Variants in MYLK observed in about 807,000 individuals in gnomAD.
MYLK encodes myosin light chain kinase, smooth muscle.
A neutral mutation model predicts 203.4 loss-of-function variants in MYLK; 106 were observed. That is an observed-to-expected ratio of 0.52 (90% CI 0.45 to 0.61). The LOEUF (loss-of-function observed/expected upper bound fraction) is 0.61. Among genes scored for constraint, MYLK ranks in the 20% least tolerant of loss-of-function variants. MYLK has a pLI of 0.00. For synonymous variants in MYLK, 867 were observed against 959.5 expected (o/e 0.90, Z 1.78); for missense variants, 2,072 against 2,442.3 (o/e 0.85, Z 3.20).
intron 23 of MYLK, among the ~76,000 whole-genome samples, chr3:123,661,682 G>A (rs974283874): frequency 6.6e-6 from 1 of 152,186 alleles, no homozygotes; most frequent in Non-Finnish European, 1.5e-5. Context: ...CTGAGAAATG[G>A]CTGAAACAGA....
chr3:123,638,138 C>T lies in MYLK; in HGVS notation c.4894G>A (p.Val1632Met). 6.2e-7 allele frequency: 1 copy of T among 1,614,138 alleles called. No homozygotes were observed. Among genetic ancestry groups the T allele is most frequent in the Non-Finnish European group, 8.5e-7 (1 of 1,180,028 alleles). ...FGTPEFVAPE[V>M]INYEPIGYAT... The stretch of plus-strand genomic sequence containing the variant: ...TAGCCGATGGGCTCATAGTTGATCA[C>T]TTCAGGAGCCACAAATTCTGGGGTG... The change falls in exon 29 of 34, where the codon GTG (valine) becomes ATG (methionine). Residue 1632 changes from valine (V) to methionine (M), a missense_variant. By Grantham distance (21) the Val-to-Met change is conservative (BLOSUM62 1). Coordinates refer to ENST00000360304, the MANE Select transcript of MYLK (RefSeq NM_053025.4).
At chr3:123,798,747 G>A (rs1166148363) in intron 3 of MYLK, among the ~76,000 whole-genome samples, 1 of 151,968 alleles carries the variant, frequency 6.6e-6, no homozygotes, top group Non-Finnish European at 1.5e-5. Context: ...ACTACCATGC[G>A]GACAGGACCA....
At position 123,682,299 on chromosome 3, in the gene MYLK, T is replaced by G. The variant is rs759317891; in HGVS notation, c.3577A>C (p.Ser1193Arg). ...ATCTCTGGGGCCTTGGTGTTCTCAC[T>G]GGCTGGAGCATCTGGAATGAAACAG... ...CQVTVDDAPA[S>R]ENTKAPEMKS... Residue 1193 changes from serine (S) to arginine (R), a missense_variant, in exon 20 of 34, where the codon AGT becomes CGT. Physicochemically the swap from Ser to Arg is moderately radical, Grantham distance 110. Transcript: ENST00000360304. 8.1e-6 allele frequency: 13 copies of G among 1,600,722 alleles called. No homozygotes were observed. Among genetic ancestry groups the G allele is most frequent in the Non-Finnish European group, 8.5e-7 (1 of 1,173,564 alleles).
At chr3:123,729,418 A>T (rs1042290223) in intron 11 of MYLK, among the ~76,000 whole-genome samples, 1 of 152,246 alleles carries the variant, frequency 6.6e-6, no homozygotes, top group Admixed American at 6.5e-5. Flanking sequence ...AATGACTTGT[A>T]TCCAGAATAC....
intron 31 of MYLK, chr3:123,624,308 GCAT>G (rs1472863866): frequency 1.4e-5 from 2 of 146,826 alleles, no homozygotes; most frequent in Admixed American, 1.4e-4. Flanking sequence ...CTGGGTGACA[GCAT>G]GAGACCCTGT....
chr3:123,734,635 T>C (rs2062611714), intron 9 of MYLK: 1 of 160,334 alleles, frequency 6.2e-6, no homozygotes, highest in African/African-American at 2.4e-5. Flanking sequence ...GCTTTTCCAC[T>C]ACTTTAAGAA....
chr3:123,638,341 C>T (rs1031722761), intron 28 of MYLK, 147 bp from the exon 29 acceptor site: 1 of 1,167,846 alleles, frequency 8.6e-7, no homozygotes, highest in Non-Finnish European at 1.2e-6. Flanking sequence ...AGACATCTGA[C>T]CTCCTTGTTA....
chr3:123,692,789 C>T lies in MYLK; in HGVS notation c.3511G>A (p.Val1171Ile), dbSNP rs1396734311. The T allele has an allele frequency of 6.2e-7, 1 of 1,613,970 alleles. No individual in the cohort carries two copies. The highest frequency in any genetic ancestry group is 8.5e-7 in the Non-Finnish European group (1 of 1,180,038). ...GCCTGGCCAGCGTCATTCTTGGCTA[C>T]ACACTTGTATAAGCCTCTGTCCTCA... ...LPEDRGLYKC[V>I]AKNDAGQAEC... The change falls in exon 19 of 34, where the codon GTA becomes ATA. Residue 1171 changes from valine to isoleucine, a missense_variant. Around this residue, in one of 3 missense-constraint regions of MYLK, gnomAD observed 865 missense variants for 1,016.0 expected, o/e 0.85. Transcript: ENST00000360304.
chr3:123,748,852 C>G lies in MYLK; in HGVS notation c.373+3479G>C, dbSNP rs6800997. Among the ~76,000 whole-genome samples the G allele has an allele frequency of 6.5e-3, 988 of 152,142 alleles. 11 individuals are homozygous for G. Among genetic ancestry groups the G allele is most frequent in the African/African-American group, 0.022 (896 of 41,506 alleles). ...CTGGGAGGCTGAGGTAGGCGGATCA[C>G]AAGGTCAGGAGTTCAAGACCAGCTT... On this transcript the variant is annotated intron_variant, in intron 5 of 33. Coordinates refer to ENST00000360304, the MANE Select transcript of MYLK (RefSeq NM_053025.4).
chr3:123,774,828 G>T (rs2064010049), intron 4 of MYLK, among the ~76,000 whole-genome samples: 1 of 152,074 alleles, frequency 6.6e-6, no homozygotes, highest in Admixed American at 6.5e-5. Flanking sequence ...ACATTTTATT[G>T]TATTAATATA....
At chr3:123,707,622 C>T in intron 16 of MYLK, 132 bp downstream of exon 16, 1 of 1,378,524 alleles carries the variant, frequency 7.3e-7, no homozygotes, top group Admixed American at 1.7e-5. Flanking sequence ...AGCACTGAGC[C>T]CGCACTTGCT....
At chr3:123,699,731 G>C (rs1395869016) in intron 18 of MYLK, among the ~76,000 whole-genome samples, 1 of 152,260 alleles carries the variant, frequency 6.6e-6, no homozygotes, top group Non-Finnish European at 1.5e-5. Context: ...CCATGAGAGG[G>C]CTCTGCCAGA....
At chr3:123,771,669 G>C (rs2063888156) in intron 4 of MYLK, among the ~76,000 whole-genome samples, 1 of 152,108 alleles carries the variant, frequency 6.6e-6, no homozygotes, top group African/African-American at 2.4e-5. Flanking sequence ...ATCCCAATAA[G>C]CTCATCCTAA....
intron 20 of MYLK, among the ~76,000 whole-genome samples, chr3:123,670,034 CAAAAA>C (rs57445681): frequency 2.7e-5 from 1 of 37,064 alleles, no homozygotes; most frequent in African/African-American, 9.0e-5. Context: ...GACTCCATCT[CAAAAA>C]AAAAAAAAAA....
chr3:123,639,880 G>C (rs2058771592), intron 28 of MYLK, among the ~76,000 whole-genome samples: 1 of 152,318 alleles, frequency 6.6e-6, no homozygotes, highest in African/African-American at 2.4e-5. Flanking sequence ...TCTAGAAACT[G>C]TACAGTATGA....
chr3:123,664,754 C>T lies in MYLK; in HGVS notation c.3832-496G>A, dbSNP rs2059681677. 4.6e-5 allele frequency among the ~76,000 whole-genome samples: 7 copies of T among 152,200 alleles called. 1 individual carries two copies. In the South Asian group the frequency reaches 1.5e-3, roughly 32 times the overall value. On this transcript the variant is annotated intron_variant, in intron 22 of 33. Transcript: ENST00000360304. ...ACAAATAAACAAAATATGGTCTATC[C>T]TGACAATGGAATATTTATTATTAAT...
At chr3:123,772,851 T>C (rs1325624218) in intron 4 of MYLK, among the ~76,000 whole-genome samples, 1 of 152,012 alleles carries the variant, frequency 6.6e-6, no homozygotes, top group East Asian at 1.9e-4. Context: ...CTAGTGCTTA[T>C]GAGTGTGAGA....
chr3:123,756,621 C>T (rs1346353178), intron 4 of MYLK, among the ~76,000 whole-genome samples: 1 of 152,206 alleles, frequency 6.6e-6, no homozygotes, highest in African/African-American at 2.4e-5. Context: ...CTTTCCCCTG[C>T]ATTCTCCTCT....
intron 13 of MYLK, among the ~76,000 whole-genome samples, chr3:123,715,467 A>T (rs1161965877): frequency 6.6e-6 from 1 of 152,178 alleles, no homozygotes; most frequent in Non-Finnish European, 1.5e-5. Flanking sequence ...CTATCAAACA[A>T]TTCCTTCTTA....
Sources: allele counts gnomAD v4.1 joint callset (sites outside exome capture counted in the v4.1 genomes callset), GRCh38; gene constraint gnomAD v4.1.1; regional missense constraint gnomAD v4.1.1; transcripts MANE v1.5; gene names NCBI Gene and HGNC (gene_info 2026-07-23, HGNC 2026-07-21).